The following CACNA2D3 variants were observed in gnomAD, a reference collection of about 807,000 sequenced individuals.
CACNA2D3 encodes voltage-dependent calcium channel subunit alpha-2/delta-3.
Under a neutral mutation model 160.6 loss-of-function variants are expected in CACNA2D3, and 60 were observed. That is an observed-to-expected ratio of 0.37 (90% CI 0.30 to 0.46). The LOEUF is 0.46. CACNA2D3 is among the 20% of genes least tolerant of loss of function. The pLI is 1.00. For synonymous variants in CACNA2D3, 558 were observed against 492.9 expected (o/e 1.13, Z -1.75); for missense variants, 1,205 against 1,365.0 (o/e 0.88, Z 1.85).
At chr3:54,828,727 A>G (rs1353005829) in intron 14 of CACNA2D3, among the ~76,000 whole-genome samples, 2 of 152,224 alleles carry the variant, frequency 1.3e-5, no homozygotes, top group African/African-American at 4.8e-5. Flanking sequence ...GATGCAGTTA[A>G]AGTTCAAAGA....
At chr3:54,530,051 G>A (rs1010448840) in intron 5 of CACNA2D3, among the ~76,000 whole-genome samples, 4 of 152,276 alleles carry the variant, frequency 2.6e-5, no homozygotes, top group East Asian at 1.9e-4. Flanking sequence ...CAGCTTGCAG[G>A]AAAGAGCTGA....
chr3:54,897,085 A>G, intron 26 of CACNA2D3: 1 of 503,472 alleles, frequency 2.0e-6, no homozygotes, highest in East Asian at 3.1e-5. Flanking sequence ...CAAATTATGT[A>G]AATGTATTTC....
chr3:54,236,229 T>A (rs1451645010), intron 2 of CACNA2D3, among the ~76,000 whole-genome samples: 1 of 152,144 alleles, frequency 6.6e-6, no homozygotes, highest in Non-Finnish European at 1.5e-5. Flanking sequence ...AAGTGTAATG[T>A]GATATCCTAG....
chr3:54,535,257 C>T (rs1701871120), intron 5 of CACNA2D3, among the ~76,000 whole-genome samples: 1 of 152,218 alleles, frequency 6.6e-6, no homozygotes, highest in Non-Finnish European at 1.5e-5. Flanking sequence ...GCCCAGCAAT[C>T]TTGTTTTTTT....
chr3:54,649,921 T>C (rs1334452956), intron 11 of CACNA2D3, among the ~76,000 whole-genome samples: 1 of 152,206 alleles, frequency 6.6e-6, no homozygotes, highest in Non-Finnish European at 1.5e-5. Flanking sequence ...ATTTGGCCTG[T>C]AACTGTCAAA....
rs62255559 is a variant in CACNA2D3, at chr3:54,655,227, C to T, written c.1167+12986C>T. ...GGGCTCTTGGGGGTGTGGGTGGGAG[C>T]GCAGTGCTGCCTAATGGAAAAAGGG... On this transcript the variant is annotated intron_variant, in intron 11 of 37. Coordinates refer to ENST00000474759, the MANE Select transcript of CACNA2D3 (RefSeq NM_018398.3). Among the ~76,000 whole-genome samples, 831 of 152,176 alleles carry T rather than the reference C, an allele frequency of 5.5e-3. 13 individuals are homozygous for T. Among genetic ancestry groups the T allele is most frequent in the African/African-American group, 0.019 (786 of 41,518 alleles).
intron 33 of CACNA2D3, among the ~76,000 whole-genome samples, chr3:55,008,886 T>TACACACAC (rs1491125549): frequency 6.6e-4 from 35 of 53,352 alleles, no homozygotes; most frequent in African/African-American, 1.9e-3. Flanking sequence ...CACCTCCCTC[T>TACACACAC]ATACACACAC....
chr3:54,553,617 T>A (rs1365658443), intron 5 of CACNA2D3, among the ~76,000 whole-genome samples: 1 of 152,270 alleles, frequency 6.6e-6, no homozygotes, highest in Non-Finnish European at 1.5e-5. Context: ...TGTCTCTAAT[T>A]CTGTGTTAGC....
chr3:54,853,195 T>C (rs1200891692), intron 17 of CACNA2D3, among the ~76,000 whole-genome samples: 2 of 152,092 alleles, frequency 1.3e-5, no homozygotes, highest in Admixed American at 1.3e-4. Flanking sequence ...TCCATCACTC[T>C]CCATCACATC....
intron 4 of CACNA2D3, among the ~76,000 whole-genome samples, chr3:54,502,977 T>C (rs1159545896): frequency 6.6e-6 from 1 of 152,308 alleles, no homozygotes; most frequent in East Asian, 1.9e-4. Flanking sequence ...TCTCCCCTCA[T>C]TTAATCTCTA....
chr3:54,926,505 TACACACACACAC>T (rs36205023), intron 27 of CACNA2D3, among the ~76,000 whole-genome samples: 4,427 of 143,318 alleles, frequency 0.031, 156 homozygotes, highest in African/African-American at 0.085. Flanking sequence ...GCCTGTCAAA[TACACACACACAC>T]ACACACACAC....
chr3:54,934,894 G>A (rs933532827), intron 27 of CACNA2D3, among the ~76,000 whole-genome samples: 12 of 152,120 alleles, frequency 7.9e-5, no homozygotes, highest in Middle Eastern at 3.4e-3. Context: ...ACCACACCCC[G>A]CTAATTTCTG....
chr3:54,897,072 T>C (rs1575538467), intron 26 of CACNA2D3: 1 of 525,186 alleles, frequency 1.9e-6, no homozygotes. Context: ...GTTTTTCCTT[T>C]ACCAAATTAT....
chr3:54,940,316 T>C (rs1701434738), intron 27 of CACNA2D3, among the ~76,000 whole-genome samples: 1 of 152,212 alleles, frequency 6.6e-6, no homozygotes, highest in African/African-American at 2.4e-5. Flanking sequence ...AGGGAGCAAC[T>C]GTCTTCTAAA....
At chr3:54,850,182 G>A (rs1051337716) in intron 17 of CACNA2D3, among the ~76,000 whole-genome samples, 35 of 152,226 alleles carry the variant, frequency 2.3e-4, no homozygotes, top group African/African-American at 7.9e-4. Context: ...AACTGATGTT[G>A]GTTCAGCAAG....
chr3:54,687,121 C>CTTTTTCTTTTTCTTTTTCTTTTTTT, intron 11 of CACNA2D3, among the ~76,000 whole-genome samples: 11 of 94,926 alleles, frequency 1.2e-4, no homozygotes, highest in African/African-American at 4.0e-4. Flanking sequence ...TTTTCTTTTT[C>CTTTTTCTTTTTCTTTTTCTTTTTTT]TTTTTTTTTT....
At chr3:54,965,925 A>T (rs1167512566) in intron 27 of CACNA2D3, among the ~76,000 whole-genome samples, 1 of 152,112 alleles carries the variant, frequency 6.6e-6, no homozygotes, top group Non-Finnish European at 1.5e-5. Flanking sequence ...AGCCTGCTGG[A>T]GGGAGATCAG....
At chr3:55,020,097 A>G (rs1703413596) in intron 35 of CACNA2D3, among the ~76,000 whole-genome samples, 1 of 152,016 alleles carries the variant, frequency 6.6e-6, no homozygotes, top group Non-Finnish European at 1.5e-5. Context: ...ATTGAATTTT[A>G]TAAGAAAATT....
chr3:54,516,704 G>T (rs1012799709), intron 5 of CACNA2D3, among the ~76,000 whole-genome samples: 2 of 152,118 alleles, frequency 1.3e-5, no homozygotes, highest in East Asian at 3.9e-4. Flanking sequence ...GAGTCCACGC[G>T]ACCACATCTT....
Sources: gnomAD v4.1 joint callset for allele counts (sites outside exome capture counted in the v4.1 genomes callset) on GRCh38, gnomAD v4.1.1 for gene constraint, MANE v1.5 for transcripts, NCBI Gene and HGNC (gene_info 2026-07-23, HGNC 2026-07-21) for gene names.